The following RAD51B variants were observed in gnomAD, a reference collection of about 807,000 sequenced individuals.
RAD51B encodes RAD51 paralog B, also known as DNA repair protein RAD51 homolog 2.
RAD51B carries 38 observed loss-of-function variants against 42.2 expected under a neutral mutation model. That is an observed-to-expected ratio of 0.90 (90% CI 0.70 to 1.18). The LOEUF is 1.18. RAD51B is among the 50% of genes most tolerant of loss of function. RAD51B has a pLI of 0.00. For missense variants in RAD51B, 373 were observed against 400.7 expected (o/e 0.93, Z 0.59); for synonymous variants, 154 against 145.2 (o/e 1.06, Z -0.43).
intron 9 of RAD51B, among the ~76,000 whole-genome samples, chr14:68,415,530 A>T (rs1432197336): frequency 6.6e-6 from 1 of 152,224 alleles, no homozygotes; most frequent in Non-Finnish European, 1.5e-5. Context: ...CTACTTGAGG[A>T]AACAGATAAG....
chr14:68,259,292 G>A (rs980303193), intron 7 of RAD51B, among the ~76,000 whole-genome samples: 1 of 149,408 alleles, frequency 6.7e-6, no homozygotes, highest in South Asian at 2.2e-4. Flanking sequence ...CACACACCGG[G>A]GACTGTTGTG....
At chr14:67,893,536 T>C (rs890419719) in intron 7 of RAD51B, among the ~76,000 whole-genome samples, 1 of 145,634 alleles carries the variant, frequency 6.9e-6, no homozygotes, top group East Asian at 2.0e-4. Flanking sequence ...CTGGGTGTGG[T>C]GCTACACACC....
At chr14:68,660,343 T>C (rs1892907291) in intron 11 of RAD51B, among the ~76,000 whole-genome samples, 1 of 152,222 alleles carries the variant, frequency 6.6e-6, no homozygotes, top group African/African-American at 2.4e-5. Flanking sequence ...TTTTGCAAAA[T>C]ATGCTGGTTG....
intron 7 of RAD51B, among the ~76,000 whole-genome samples, chr14:68,229,429 G>C (rs1476838944): frequency 1.3e-5 from 2 of 152,138 alleles, no homozygotes; most frequent in South Asian, 4.1e-4. Context: ...AGAATAGTAC[G>C]TGCTAAGAAG....
chr14:68,228,215 A>G (rs575574680), intron 7 of RAD51B, among the ~76,000 whole-genome samples: 55 of 152,276 alleles, frequency 3.6e-4, no homozygotes, highest in Non-Finnish European at 5.7e-4. Flanking sequence ...ACCATCTGAG[A>G]TGGTAAGGAC....
intron 9 of RAD51B, among the ~76,000 whole-genome samples, chr14:68,433,378 G>A (rs1322426220): frequency 6.6e-6 from 1 of 152,090 alleles, no homozygotes; most frequent in Non-Finnish European, 1.5e-5. Flanking sequence ...TCACTTTCAG[G>A]TACACCAATC....
chr14:68,377,231 G>C (rs1403625126), intron 8 of RAD51B, among the ~76,000 whole-genome samples: 2 of 152,124 alleles, frequency 1.3e-5, no homozygotes, highest in African/African-American at 4.8e-5. Flanking sequence ...ACATGTACAG[G>C]GTGGCCCATT....
intron 10 of RAD51B, among the ~76,000 whole-genome samples, chr14:68,507,159 T>C (rs1885390142): frequency 6.6e-6 from 1 of 152,124 alleles, no homozygotes. Context: ...AATCCATAAT[T>C]CCACTCATAT....
At chr14:68,004,837 C>T (rs555526825) in intron 7 of RAD51B, among the ~76,000 whole-genome samples, 1 of 152,100 alleles carries the variant, frequency 6.6e-6, no homozygotes, top group South Asian at 2.1e-4. Flanking sequence ...CGTTTTTGAA[C>T]TGTATACAGA....
intron 7 of RAD51B, among the ~76,000 whole-genome samples, chr14:68,241,639 T>C (rs933534643): frequency 1.3e-5 from 2 of 152,242 alleles, no homozygotes; most frequent in African/African-American, 4.8e-5. Flanking sequence ...AGGTTCCATT[T>C]AAATTTAAAA....
chr14:68,621,620 C>T (rs1891950493), intron 10 of RAD51B, among the ~76,000 whole-genome samples: 1 of 152,248 alleles, frequency 6.6e-6, no homozygotes, highest in African/African-American at 2.4e-5. Context: ...TACTGGCCCC[C>T]AGGGTCTGGG....
intron 11 of RAD51B, among the ~76,000 whole-genome samples, chr14:68,660,223 T>C (rs1249615813): frequency 6.6e-6 from 1 of 152,200 alleles, no homozygotes; most frequent in Non-Finnish European, 1.5e-5. Flanking sequence ...AAGTATCCTG[T>C]TTTTAAAAAT....
rs149521735 is a variant in RAD51B, at chr14:68,358,789, A to G, written c.854-52635A>G. Among the ~76,000 whole-genome samples, 197 of 152,338 alleles carry G rather than the reference A, an allele frequency of 1.3e-3. 1 individual carries two copies. The highest frequency in any genetic ancestry group is 4.5e-3 in the African/African-American group (189 of 41,588). ...GTCAGATCGTGTGATATAAAAGCCT[A>G]TATCACACAATGTGTGATGGTAAAG... On this transcript the variant is annotated intron_variant, in intron 8 of 10. Coordinates refer to ENST00000471583, the MANE Select transcript of RAD51B (RefSeq NM_133510.4).
At chr14:68,508,881 G>A in intron 10 of RAD51B, among the ~76,000 whole-genome samples, 1 of 152,232 alleles carries the variant, frequency 6.6e-6, no homozygotes, top group East Asian at 1.9e-4. Context: ...TCCCTACAAA[G>A]GGGTTTGCTT....
intron 7 of RAD51B, among the ~76,000 whole-genome samples, chr14:68,194,144 A>G (rs1424151397): frequency 6.6e-6 from 1 of 152,240 alleles, no homozygotes; most frequent in African/African-American, 2.4e-5. Flanking sequence ...AGTTGCAAGT[A>G]TAACTTACAC....
intron 7 of RAD51B, among the ~76,000 whole-genome samples, chr14:68,154,392 T>C (rs2078455291): frequency 6.6e-6 from 1 of 152,204 alleles, no homozygotes; most frequent in African/African-American, 2.4e-5. Context: ...TTCGTAAAAA[T>C]AGGCATTATT....
At chr14:68,496,782 C>G (rs1177418047) in intron 10 of RAD51B, among the ~76,000 whole-genome samples, 1 of 152,212 alleles carries the variant, frequency 6.6e-6, no homozygotes, top group Non-Finnish European at 1.5e-5. Context: ...AGCTGATTTC[C>G]ACCCTCATGA....
intron 11 of RAD51B, among the ~76,000 whole-genome samples, chr14:68,669,113 A>G (rs1383596350): frequency 6.6e-6 from 1 of 152,226 alleles, no homozygotes; most frequent in Non-Finnish European, 1.5e-5. Flanking sequence ...CAGGCCTGCC[A>G]CGTGGCATGA....
intron 10 of RAD51B, among the ~76,000 whole-genome samples, chr14:68,501,642 G>C (rs1015893358): frequency 1.3e-5 from 2 of 152,230 alleles, no homozygotes; most frequent in Non-Finnish European, 2.9e-5. Context: ...TAACCCCTTG[G>C]ACTGAGAACT....
Sources: allele counts gnomAD v4.1 joint callset (sites outside exome capture counted in the v4.1 genomes callset), GRCh38; gene constraint gnomAD v4.1.1; transcripts MANE v1.5; gene names NCBI Gene and HGNC (gene_info 2026-07-23, HGNC 2026-07-21).